The following SLC2A13 variants were observed in gnomAD, a reference collection of about 807,000 sequenced individuals.
SLC2A13 encodes the protein solute carrier family 2 member 13.
In SLC2A13, 32 loss-of-function variants were observed where a neutral mutation model predicts 64.4. The ratio of observed to expected loss-of-function variants is 0.50; its 90% CI spans 0.37 to 0.67. The LOEUF is 0.67. Ranked by LOEUF, SLC2A13 falls within the 30% of genes least tolerant of loss-of-function variation. The probability of loss-of-function intolerance (pLI) is 0.00; values close to 1 mark genes in which losing one functional copy is unlikely to be tolerated. For missense variants in SLC2A13, 743 were observed against 829.2 expected (o/e 0.90, Z 1.28); for synonymous variants, 338 against 327.1 (o/e 1.03, Z -0.36).
At chr12:40,092,250 A>G (rs1485486115) in intron 1 of SLC2A13, among the ~76,000 whole-genome samples, 1 of 152,210 alleles carries the variant, frequency 6.6e-6, no homozygotes, top group African/African-American at 2.4e-5. Context: ...ATTTTGTTGG[A>G]CAATGTAACT....
chr12:40,035,037 A>G (rs1947958725), intron 2 of SLC2A13, among the ~76,000 whole-genome samples: 1 of 152,200 alleles, frequency 6.6e-6, no homozygotes, highest in African/African-American at 2.4e-5. Flanking sequence ...TTAAAAAAGC[A>G]TAACTCAAAC....
intron 6 of SLC2A13, 74 bp downstream of exon 6, chr12:39,864,688 C>T (rs1943856731): frequency 6.3e-7 from 1 of 1,576,544 alleles, no homozygotes; most frequent in Non-Finnish European, 8.6e-7. Flanking sequence ...ATCTCTACAA[C>T]TTTAAAAAAG....
intron 1 of SLC2A13, among the ~76,000 whole-genome samples, chr12:40,062,411 G>C (rs1268983101): frequency 2.0e-5 from 3 of 151,268 alleles, no homozygotes; most frequent in Non-Finnish European, 4.4e-5. Flanking sequence ...AACCTCAAAA[G>C]ATCCATCACT....
chr12:40,069,878 T>C (rs1165463942), intron 1 of SLC2A13, among the ~76,000 whole-genome samples: 1 of 152,140 alleles, frequency 6.6e-6, no homozygotes, highest in Non-Finnish European at 1.5e-5. Flanking sequence ...AACTTTTTGC[T>C]GCTCATTATT....
intron 4 of SLC2A13, among the ~76,000 whole-genome samples, chr12:39,934,962 C>T (rs1201259189): frequency 1.3e-5 from 2 of 152,198 alleles, no homozygotes. Context: ...ATTCTATCAG[C>T]CACAGGAAGC....
rs375612873 is a variant in SLC2A13 at position 39,909,653 on chromosome 12, G to A, written c.1035-37692C>T. Among the ~76,000 whole-genome samples, 5 of 152,242 alleles carry A rather than the reference G, an allele frequency of 3.3e-5. No homozygotes were observed. The East Asian group carries it at 9.6e-4, about 29-fold the overall frequency. On this transcript the variant is annotated intron_variant, in intron 4 of 9. Coordinates refer to ENST00000280871, the MANE Select transcript of SLC2A13 (RefSeq NM_052885.4). ...AATGTGAAACAGCCTAAGCTGTGAA[G>A]TCATGGTAGTCAAGGGGATCTGATT...
intron 3 of SLC2A13, among the ~76,000 whole-genome samples, chr12:40,004,156 A>G (rs1024041403): frequency 6.6e-6 from 1 of 152,198 alleles, no homozygotes; most frequent in African/African-American, 2.4e-5. Context: ...GGGAAGATGT[A>G]CATAGGTTAT....
intron 7 of SLC2A13, among the ~76,000 whole-genome samples, chr12:39,808,388 A>G (rs1942043111): frequency 1.3e-5 from 2 of 152,006 alleles, no homozygotes; most frequent in African/African-American, 4.8e-5. Flanking sequence ...TTTGTCCATT[A>G]TGAATAAGGC....
chr12:40,066,098 C>T (rs79823264), intron 1 of SLC2A13, among the ~76,000 whole-genome samples: 1 of 152,120 alleles, frequency 6.6e-6, no homozygotes, highest in Non-Finnish European at 1.5e-5. Flanking sequence ...GCATCCTAAT[C>T]GAAGTAACTA....
intron 3 of SLC2A13, among the ~76,000 whole-genome samples, chr12:40,004,333 T>C (rs1947373824): frequency 6.6e-6 from 1 of 152,044 alleles, no homozygotes; most frequent in Admixed American, 6.6e-5. Context: ...TACAGGAATG[T>C]GCCACCATGC....
chr12:39,824,760 T>A (rs1242256138), intron 7 of SLC2A13, among the ~76,000 whole-genome samples: 1 of 152,026 alleles, frequency 6.6e-6, no homozygotes, highest in Non-Finnish European at 1.5e-5. Flanking sequence ...AGGGGAGTGC[T>A]AGAGGGCAGC....
Position 39,871,798 on chromosome 12 carries a change from C to G in SLC2A13, c.1198G>C (p.Gly400Arg). The change falls in exon 5 of 10, where the codon GGT becomes CGT. Residue 400 changes from glycine to arginine, a missense_variant and splice_region_variant. Around this residue, in one of 2 missense-constraint regions of SLC2A13, gnomAD observed 295 missense variants for 381.7 expected, o/e 0.77. Transcript: ENST00000280871. ...RRKLTFGSLAGTTVALIILAL... is the reference protein window; with the variant it reads ...RRKLTFGSLARTTVALIILAL... ...TTGAATTCTTTATCCAGCCACCTACCTGCTAAACTACCAAAGGTAAGCTTT... is the reference window on the plus strand; with the variant it reads ...TTGAATTCTTTATCCAGCCACCTACGTGCTAAACTACCAAAGGTAAGCTTT... 6.3e-7 allele frequency: 1 copy of G among 1,596,524 alleles called. No individual in the cohort carries two copies. Among genetic ancestry groups the G allele is most frequent in the Non-Finnish European group, 8.5e-7 (1 of 1,173,020 alleles).
intron 3 of SLC2A13, among the ~76,000 whole-genome samples, chr12:40,022,895 CA>C (rs996643948): frequency 6.6e-6 from 1 of 151,800 alleles, no homozygotes. Flanking sequence ...CCTCCCCCCC[CA>C]AAAAAAGCCA....
intron 6 of SLC2A13, among the ~76,000 whole-genome samples, chr12:39,849,523 T>C (rs1457594441): frequency 6.6e-6 from 1 of 152,210 alleles, no homozygotes; most frequent in African/African-American, 2.4e-5. Context: ...GAGGTGCTCA[T>C]GACTGCCTCT....
intron 3 of SLC2A13, among the ~76,000 whole-genome samples, chr12:40,007,578 T>C (rs1285025688): frequency 1.3e-5 from 2 of 152,188 alleles, no homozygotes; most frequent in African/African-American, 2.4e-5. Flanking sequence ...TAAATGATGA[T>C]GGAAAAGGGT....
At chr12:40,022,309 A>G (rs960856178) in intron 3 of SLC2A13, among the ~76,000 whole-genome samples, 9 of 152,254 alleles carry the variant, frequency 5.9e-5, no homozygotes, top group African/African-American at 2.2e-4. Context: ...TAGATTACAT[A>G]TCACACAGGT....
chr12:39,792,340 A>G (rs1941432475), intron 7 of SLC2A13, among the ~76,000 whole-genome samples: 1 of 151,644 alleles, frequency 6.6e-6, no homozygotes, highest in African/African-American at 2.4e-5. Flanking sequence ...CCAAAACACC[A>G]AAAGCAATGG....
At chr12:39,973,786 T>G (rs987716670) in intron 3 of SLC2A13, among the ~76,000 whole-genome samples, 1 of 152,234 alleles carries the variant, frequency 6.6e-6, no homozygotes, top group Non-Finnish European at 1.5e-5. Flanking sequence ...GGTCAAGGTA[T>G]GGATGTATTT....
At chr12:39,847,490 TG>T (rs1253724243) in intron 6 of SLC2A13, among the ~76,000 whole-genome samples, 1 of 152,148 alleles carries the variant, frequency 6.6e-6, no homozygotes, top group African/African-American at 2.4e-5. Context: ...CTGATTCAGC[TG>T]GGAAGAGCTG....
Sources: gnomAD v4.1 joint callset for allele counts (sites outside exome capture counted in the v4.1 genomes callset) on GRCh38, gnomAD v4.1.1 for gene constraint, gnomAD v4.1.1 regional missense constraint, MANE v1.5 for transcripts, NCBI Gene and HGNC (gene_info 2026-07-23, HGNC 2026-07-21) for gene names.